Variants in KCTD1 observed in about 807,000 individuals in gnomAD.
KCTD1 encodes the protein potassium channel tetramerization domain containing 1.
In KCTD1, 24 loss-of-function variants were observed where a neutral mutation model predicts 66.0. That is an observed-to-expected ratio of 0.36 (90% confidence interval 0.26 to 0.51). The LOEUF is 0.51. KCTD1 is among the 20% of genes least tolerant of loss of function. The pLI, the probability that KCTD1 is intolerant of heterozygous loss-of-function variation, is 0.95. For synonymous variants in KCTD1, 511 were observed against 517.2 expected (o/e 0.99, Z 0.16); for missense variants, 943 against 1,205.2 (o/e 0.78, Z 3.22).
chr18:26,497,592 T>A (rs956880423), intron 2 of KCTD1, among the ~76,000 whole-genome samples: 9 of 152,204 alleles, frequency 5.9e-5, no homozygotes, highest in Non-Finnish European at 8.8e-5. Flanking sequence ...TGGGTCCCAT[T>A]AAATTGGATG....
At chr18:26,527,584 A>G (rs1158902639) in intron 1 of KCTD1, among the ~76,000 whole-genome samples, 1 of 152,154 alleles carries the variant, frequency 6.6e-6, no homozygotes, top group Non-Finnish European at 1.5e-5. Context: ...TGGCAGAGAC[A>G]TGTCACTATA....
chr18:26,604,500 A>C (rs1253159573), intron 1 of KCTD1, among the ~76,000 whole-genome samples: 1 of 152,196 alleles, frequency 6.6e-6, no homozygotes, highest in Non-Finnish European at 1.5e-5. Context: ...CAGGATATGG[A>C]ATCAACCTAA....
upstream of KCTD1, among the ~76,000 whole-genome samples, chr18:26,630,715 T>C (rs1243904749): frequency 6.6e-6 from 1 of 152,214 alleles, no homozygotes; most frequent in East Asian, 1.9e-4. Context: ...ATGAAGATAA[T>C]CTCAAGGAAA....
At chr18:26,535,574 C>G (rs973830475) in intron 1 of KCTD1, among the ~76,000 whole-genome samples, 7 of 152,182 alleles carry the variant, frequency 4.6e-5, no homozygotes, top group African/African-American at 1.2e-4. Flanking sequence ...CCCGACCCAT[C>G]ATGTTCCCCT....
At chr18:26,567,854 T>A (rs1478798552) in intron 1 of KCTD1, among the ~76,000 whole-genome samples, 1 of 152,150 alleles carries the variant, frequency 6.6e-6, no homozygotes, top group Non-Finnish European at 1.5e-5. Context: ...TTTCTTTTAA[T>A]CTATATAAAA....
intron 2 of KCTD1, among the ~76,000 whole-genome samples, chr18:26,491,334 T>G (rs1982191433): frequency 6.6e-6 from 1 of 152,170 alleles, no homozygotes; most frequent in African/African-American, 2.4e-5. Context: ...CACCATTCTT[T>G]CCGGTGGGCA....
intron 1 of KCTD1, among the ~76,000 whole-genome samples, chr18:26,518,950 A>G (rs1334292497): frequency 6.6e-6 from 1 of 152,256 alleles, no homozygotes. Flanking sequence ...TAAACTTTGT[A>G]AGTATTATAA....
At chr18:26,564,883 C>CT (rs1440581791) in intron 1 of KCTD1, among the ~76,000 whole-genome samples, 1 of 148,132 alleles carries the variant, frequency 6.8e-6, no homozygotes, top group Non-Finnish European at 1.5e-5. Flanking sequence ...GAACCAAACT[C>CT]TGTCTCAAGA....
rs1268908698 is a variant in KCTD1 at position 26,548,030 on chromosome 18, G to C, written c.507C>G (p.Ser169Arg). The change falls in exon 1 of 5, where the codon AGC (serine) becomes AGG (arginine). Residue 169 changes from serine (S) to arginine (R), a missense_variant. By Grantham distance (110) the Ser-to-Arg change is moderately radical (BLOSUM62 -1). Coordinates refer to ENST00000580059, the MANE Select transcript of KCTD1 (RefSeq NM_001142730.3). ...AGCGGGTGGCCAGCCGGGTGTTCTCGCTCAGCCGGGCCCGCTCGGGGCGCT... is the reference window on the plus strand; with the variant it reads ...AGCGGGTGGCCAGCCGGGTGTTCTCCCTCAGCCGGGCCCGCTCGGGGCGCT... ...VLQRPERARL[S>R]ENTRLATRYA... 1.3e-6 allele frequency: 2 copies of C among 1,520,974 alleles called. No individual in the cohort carries two copies. The highest frequency in any genetic ancestry group is 2.5e-5 in the East Asian group (1 of 40,604). 94.2% of individuals were successfully genotyped at this position (1,520,974 alleles called of 1,614,324 possible). A position where few individuals can be genotyped will look rare whatever the true frequency, so the allele number is the denominator to read the frequency against.
At chr18:26,514,560 AAAAAAAAAAAAG>A (rs1983547346) in intron 1 of KCTD1, among the ~76,000 whole-genome samples, 1 of 67,690 alleles carries the variant, frequency 1.5e-5, no homozygotes, top group Non-Finnish European at 3.1e-5. Context: ...AAAAAAAAAA[AAAAAAAAAAAAG>A]AAATGGCAGA....
At chr18:26,466,542 G>A (rs1980745347) in intron 3 of KCTD1, among the ~76,000 whole-genome samples, 2 of 152,204 alleles carry the variant, frequency 1.3e-5, no homozygotes, top group African/African-American at 4.8e-5. Flanking sequence ...ACTGGAATTT[G>A]ATGGGTAGGG....
intron 3 of KCTD1, among the ~76,000 whole-genome samples, chr18:26,465,861 G>C (rs532336781): frequency 6.6e-6 from 1 of 152,258 alleles, no homozygotes; most frequent in African/African-American, 2.4e-5. Context: ...CCTGCCTCTG[G>C]GAAAATATCC....
chr18:26,626,165 A>AC (rs1231241072), intron 1 of KCTD1, among the ~76,000 whole-genome samples: 66 of 146,618 alleles, frequency 4.5e-4, no homozygotes, highest in Middle Eastern at 3.4e-3. Flanking sequence ...AAAAAAAAAA[A>AC]CAAAAAAAAA....
upstream of KCTD1, chr18:26,549,457 G>T: frequency 1.0e-6 from 1 of 985,638 alleles, no homozygotes; most frequent in Non-Finnish European, 1.2e-6. Flanking sequence ...AAGGAGCGAG[G>T]CAGAGAAGAC....
chr18:26,605,724 A>ATATCTATCTATCTATC (rs10680402), intron 1 of KCTD1, among the ~76,000 whole-genome samples: 154 of 136,148 alleles, frequency 1.1e-3, no homozygotes, highest in Middle Eastern at 7.3e-3. Flanking sequence ...ATATATCTCT[A>ATATCTATCTATCTATC]TATCTATCTA....
upstream of KCTD1, among the ~76,000 whole-genome samples, chr18:26,642,925 G>A (rs914605181): frequency 8.2e-5 from 11 of 133,830 alleles, no homozygotes; most frequent in African/African-American, 2.2e-4. Flanking sequence ...GGCGGTGGGC[G>A]GAGGGGCGTG....
At chr18:26,534,817 G>A (rs1432516167) in intron 1 of KCTD1, among the ~76,000 whole-genome samples, 1 of 152,084 alleles carries the variant, frequency 6.6e-6, no homozygotes, top group East Asian at 1.9e-4. Context: ...CCAAACTGAT[G>A]TACCTCTTTC....
intron 1 of KCTD1, chr18:26,655,732 T>C (rs1988119193): frequency 6.6e-6 from 1 of 152,150 alleles, no homozygotes; most frequent in African/African-American, 2.4e-5. Flanking sequence ...CAGAAAATCA[T>C]TTCCACGACA....
chr18:26,580,364 C>T (rs12456203), intron 1 of KCTD1, among the ~76,000 whole-genome samples: 21,699 of 151,912 alleles, frequency 0.14, 1,773 homozygotes, highest in African/African-American at 0.22. Flanking sequence ...TTAGGATACC[C>T]AGGGTGATAT....
Sources: gnomAD v4.1 joint callset for allele counts (sites outside exome capture counted in the v4.1 genomes callset) on GRCh38, gnomAD v4.1.1 for gene constraint, MANE v1.5 for transcripts, NCBI Gene and HGNC (gene_info 2026-07-23, HGNC 2026-07-21) for gene names.